MCC: variants seen among roughly 807,000 people sequenced by gnomAD.
MCC encodes MCC regulator of Wnt signaling pathway, also known as colorectal mutant cancer protein.
In MCC, 90 loss-of-function variants were observed where a neutral mutation model predicts 116.2. The ratio of observed to expected loss-of-function variants is 0.77; its 90% confidence interval spans 0.65 to 0.92. MCC has a LOEUF of 0.92. Ranked by LOEUF, MCC falls within the 40% of genes least tolerant of loss-of-function variation. The pLI is 0.00. For missense variants in MCC, 1,516 were observed against 1,312.2 expected (o/e 1.16, Z -2.40); for synonymous variants, 578 against 510.5 (o/e 1.13, Z -1.78).
chr5:113,374,991 C>CAA (rs70973680), intron 2 of MCC, among the ~76,000 whole-genome samples: 16,100 of 84,940 alleles, frequency 0.19, 1,567 homozygotes, highest in Admixed American at 0.31. Flanking sequence ...GACCCTGTCT[C>CAA]AAAAAAAAAA....
rs904046095 is a variant in MCC at position 113,358,552 on chromosome 5, T to G, written c.416-17822A>C. On this transcript the variant is annotated intron_variant, in intron 2 of 18. Transcript: ENST00000408903. ...CAGTATCTTATGATATTGTCTATGTTTAGTGGCCCTGTATCTTTCAGTTAT... is the reference window on the plus strand; with the variant it reads ...CAGTATCTTATGATATTGTCTATGTGTAGTGGCCCTGTATCTTTCAGTTAT... Among the ~76,000 whole-genome samples, 9 of 152,304 alleles carry G rather than the reference T, an allele frequency of 5.9e-5. No homozygotes were observed. In the South Asian group the frequency reaches 1.2e-3, roughly 21 times the overall value.
chr5:113,052,429 G>T (rs1189806703), intron 15 of MCC, among the ~76,000 whole-genome samples: 1 of 150,522 alleles, frequency 6.6e-6, no homozygotes, highest in African/African-American at 2.4e-5. Flanking sequence ...TGGGAGCTGC[G>T]TGGCTTGATG....
At chr5:113,119,019 T>C (rs1561370306) in intron 6 of MCC, among the ~76,000 whole-genome samples, 1 of 152,258 alleles carries the variant, frequency 6.6e-6, no homozygotes, top group African/African-American at 2.4e-5. Context: ...CCAGGGCCAC[T>C]GCAGGCCTGC....
At position 113,403,588 on chromosome 5, in the gene MCC, T is replaced by C. The variant is rs889938975; in HGVS notation, c.171-18376A>G. ...CTTCTTCTGGTTTGGCCTGGATCTG[T>C]AGTGTTACAATAGTGGCTGAGAGAG... On this transcript the variant is annotated intron_variant, in intron 1 of 18. Coordinates refer to ENST00000408903, the MANE Select transcript of MCC (RefSeq NM_001085377.2). Among the ~76,000 whole-genome samples the C allele has an allele frequency of 9.2e-5, 14 of 152,302 alleles. 1 individual carries two copies. The South Asian group carries it at 2.7e-3, about 29-fold the overall frequency.
chr5:113,068,381 T>G (rs1186742573), intron 12 of MCC, among the ~76,000 whole-genome samples, 198 bp from the exon 13 acceptor site: 1 of 152,216 alleles, frequency 6.6e-6, no homozygotes, highest in African/African-American at 2.4e-5. Flanking sequence ...TTTTAAACCT[T>G]TAACTTGGTT....
At chr5:113,353,599 T>C (rs1432216389) in intron 2 of MCC, among the ~76,000 whole-genome samples, 1 of 152,116 alleles carries the variant, frequency 6.6e-6, no homozygotes, top group Non-Finnish European at 1.5e-5. Context: ...TTTAAACCAA[T>C]ATAGAATTGA....
At chr5:113,162,053 C>T (rs75618679) in intron 3 of MCC, among the ~76,000 whole-genome samples, 8,991 of 152,184 alleles carry the variant, frequency 0.059, 378 homozygotes, top group East Asian at 0.17. Flanking sequence ...AAATCTGCTT[C>T]GTGTTCCCTC....
intron 3 of MCC, among the ~76,000 whole-genome samples, chr5:113,177,793 G>A (rs912790686): frequency 1.2e-4 from 18 of 151,956 alleles, no homozygotes; most frequent in African/African-American, 4.1e-4. Flanking sequence ...TTCTCAAGTG[G>A]GTACACAGTC....
intron 17 of MCC, among the ~76,000 whole-genome samples, chr5:113,041,251 G>A (rs1332748530): frequency 1.3e-5 from 2 of 152,108 alleles, no homozygotes; most frequent in Non-Finnish European, 2.9e-5. Context: ...CTATAAACAG[G>A]CCCGCTGGAT....
intron 3 of MCC, among the ~76,000 whole-genome samples, chr5:113,306,177 C>T (rs1766980325): frequency 6.6e-6 from 1 of 152,026 alleles, no homozygotes; most frequent in Non-Finnish European, 1.5e-5. Flanking sequence ...TTTGTTGTTT[C>T]CATTTTTCAA....
At chr5:113,198,574 T>C (rs1581241302) in intron 3 of MCC, among the ~76,000 whole-genome samples, 2 of 150,304 alleles carry the variant, frequency 1.3e-5, no homozygotes, top group Admixed American at 6.6e-5. Flanking sequence ...CATGATGGCC[T>C]GCACCTGTGG....
chr5:113,291,361 A>C (rs191891327), intron 3 of MCC, among the ~76,000 whole-genome samples: 1 of 152,330 alleles, frequency 6.6e-6, no homozygotes, highest in East Asian at 1.9e-4. Flanking sequence ...TCAGCAGATG[A>C]CAACCAGAAA....
Position 113,043,466 on chromosome 5 carries a change from G to A in MCC, c.2756+64C>T, listed in dbSNP as rs1268362575. On this transcript the variant is annotated intron_variant, in intron 17 of 18. Coordinates refer to ENST00000408903, the MANE Select transcript of MCC (RefSeq NM_001085377.2). ...CTTCTCCTTTTGGGAGCAGCAAAGAGAACTCAGAACAAAGTCTCCATGCCC... is the reference window on the plus strand; with the variant it reads ...CTTCTCCTTTTGGGAGCAGCAAAGAAAACTCAGAACAAAGTCTCCATGCCC... 8 of 1,404,088 alleles carry A rather than the reference G, an allele frequency of 5.7e-6. No individual in the cohort carries two copies. The East Asian group carries it at 1.6e-4, about 29-fold the overall frequency. The allele number at this position is 1,404,088 out of a possible 1,614,324, so 87.0% of individuals were successfully genotyped here. A position where few individuals can be genotyped will look rare whatever the true frequency, so the allele number is the denominator to read the frequency against.
At chr5:113,043,903 A>C (rs1481556545) in intron 16 of MCC, among the ~76,000 whole-genome samples, 1 of 152,228 alleles carries the variant, frequency 6.6e-6, no homozygotes, top group Non-Finnish European at 1.5e-5. Flanking sequence ...CACTGGTCTA[A>C]GCATGCCATA....
intron 1 of MCC, among the ~76,000 whole-genome samples, chr5:113,428,033 T>A (rs1371177649): frequency 6.6e-6 from 1 of 152,126 alleles, no homozygotes; most frequent in Non-Finnish European, 1.5e-5. Flanking sequence ...CTATCAGTAA[T>A]TTTCAATTAA....
At chr5:113,105,489 C>T (rs1372671341) in intron 6 of MCC, among the ~76,000 whole-genome samples, 1 of 152,198 alleles carries the variant, frequency 6.6e-6, no homozygotes, top group African/African-American at 2.4e-5. Flanking sequence ...CCAATACACA[C>T]AACTAGTCTA....
intron 13 of MCC, among the ~76,000 whole-genome samples, chr5:113,066,596 T>C (rs941688965): frequency 5.3e-5 from 8 of 152,206 alleles, no homozygotes; most frequent in Non-Finnish European, 1.2e-4. Context: ...CCAGGATACC[T>C]TCCTTCCTTC....
At chr5:113,466,899 C>G (rs1481888235) in intron 1 of MCC, among the ~76,000 whole-genome samples, 5 of 150,938 alleles carry the variant, frequency 3.3e-5, no homozygotes, top group Non-Finnish European at 5.9e-5. Flanking sequence ...GATGGTATCT[C>G]ACTGTGGTTT....
intron 3 of MCC, among the ~76,000 whole-genome samples, chr5:113,190,010 A>G (rs1762076939): frequency 6.6e-6 from 1 of 152,194 alleles, no homozygotes; most frequent in African/African-American, 2.4e-5. Context: ...GTCCGCCTGA[A>G]GTACCCAGCC....
Sources: allele counts gnomAD v4.1 joint callset (sites outside exome capture counted in the v4.1 genomes callset), GRCh38; gene constraint gnomAD v4.1.1; transcripts MANE v1.5; gene names NCBI Gene and HGNC (gene_info 2026-07-23, HGNC 2026-07-21).